The following STAB1 variants were observed in gnomAD, a reference collection of about 807,000 sequenced individuals.
STAB1 encodes stabilin 1, also known as stabilin-1.
In STAB1, 250 loss-of-function variants were observed where a neutral mutation model predicts 332.4. The ratio of observed to expected loss-of-function variants is 0.75; its 90% CI spans 0.68 to 0.84. STAB1 has a LOEUF of 0.84. Among genes scored for constraint, STAB1 ranks in the 40% least tolerant of loss-of-function variants. STAB1 has a pLI of 0.00. For synonymous variants in STAB1, 1,475 were observed against 1,390.4 expected (o/e 1.06, Z -1.35); for missense variants, 3,249 against 3,489.7 (o/e 0.93, Z 1.74).
At position 52,519,804 on chromosome 3, in the gene STAB1, C is replaced by A. The variant is rs1379044852; in HGVS notation, c.5236-140C>A. ...AGTGTGCACAGTTGAGATGTGTGCA[C>A]ACACATGCCTGCCTGGGATGGTCAC... is the stretch of plus-strand genomic sequence containing the variant. On this transcript the variant is annotated intron_variant, in intron 50 of 68. Coordinates refer to ENST00000321725, the MANE Select transcript of STAB1 (RefSeq NM_015136.3). 14 of 1,230,790 alleles carry A rather than the reference C, an allele frequency of 1.1e-5. No individual in the cohort carries two copies. In the African/African-American group the frequency reaches 1.7e-4, roughly 15 times the overall value. 76.2% of individuals were successfully genotyped at this position (1,230,790 alleles called of 1,614,324 possible). A position where few individuals can be genotyped will look rare whatever the true frequency, so the allele number is the denominator to read the frequency against.
chr3:52,501,992 G>A lies in STAB1; in HGVS notation c.332-14G>A, dbSNP rs753819150. On this transcript the variant is annotated splice_polypyrimidine_tract_variant and intron_variant, in intron 3 of 68. Transcript: ENST00000321725. ...GGTTCTGGGCACAGAGCTGAGTACT[G>A]TGGGGGTCCACAGAATGCCCTGGGG... is the stretch of plus-strand genomic sequence containing the variant. The A allele has an allele frequency of 5.3e-5, 85 of 1,611,430 alleles. No homozygotes were observed. Among genetic ancestry groups the A allele is most frequent in the Middle Eastern group, 2.0e-4 (1 of 4,932 alleles).
In STAB1 at chr3:52,501,622, C is replaced by T. The variant is rs1339385257; in HGVS notation, c.216-16C>T. The T allele has an allele frequency of 5.2e-6, 8 of 1,548,912 alleles. No individual in the cohort carries two copies. Among genetic ancestry groups the T allele is most frequent in the South Asian group, 3.6e-5 (3 of 84,084 alleles). On this transcript the variant is annotated splice_polypyrimidine_tract_variant and intron_variant, in intron 2 of 68. Coordinates refer to ENST00000321725, the MANE Select transcript of STAB1 (RefSeq NM_015136.3). ...AGGGAGCCTTTTCCATCACCCTGCC[C>T]ACCCTCTGCCCCCAGCTACGAAGTA... is the stretch of plus-strand genomic sequence containing the variant.
chr3:52,517,446 G>C, intron 43 of STAB1, 53 bp downstream of exon 43: 1 of 1,575,948 alleles, frequency 6.3e-7, no homozygotes, highest in Admixed American at 1.8e-5. Flanking sequence ...TCACAGGATG[G>C]GGCCTCCCTT....
rs762111494 is a variant in STAB1, at chr3:52,501,328, G to C, written c.215+26G>C. On this transcript the variant is annotated intron_variant, in intron 2 of 68. Coordinates refer to ENST00000321725, the MANE Select transcript of STAB1 (RefSeq NM_015136.3). ...GTGCGGGCCACCCCTGTCCTTGCCTGTGTCCAGGAGCATCCTGTGGGGTGG... is the reference window on the plus strand; with the variant it reads ...GTGCGGGCCACCCCTGTCCTTGCCTCTGTCCAGGAGCATCCTGTGGGGTGG... 6 of 1,603,350 alleles carry C rather than the reference G, an allele frequency of 3.7e-6. 1 individual carries two copies. Among genetic ancestry groups the C allele is most frequent in the South Asian group, 2.2e-5 (2 of 90,924 alleles).
At chr3:52,502,336 C>G in intron 5 of STAB1, 108 bp downstream of exon 5, 1 of 1,264,852 alleles carries the variant, frequency 7.9e-7, no homozygotes, top group Admixed American at 2.0e-5. Flanking sequence ...CTGTCCCAGC[C>G]CCTCAGATTT....
At position 52,501,178 on chromosome 3, in the gene STAB1, G is replaced by A; in HGVS notation, c.91G>A (p.Gly31Ser). ...CCTGTGGCCCCAGGTGCTGTTCAAA[G>A]GCTGTGATGTGAAAACCACGTTTGT... ...SFVRGQVLFKGCDVKTTFVTH... is the reference protein window; with the variant it reads ...SFVRGQVLFKSCDVKTTFVTH... Residue 31 changes from glycine to serine, a missense_variant, in exon 2 of 69, where the codon GGC becomes AGC. Physicochemically the swap from Gly to Ser is moderately conservative, Grantham distance 56. Coordinates refer to ENST00000321725, the MANE Select transcript of STAB1 (RefSeq NM_015136.3). The A allele has an allele frequency of 6.2e-7, 1 of 1,613,442 alleles. No individual in the cohort carries two copies. The highest frequency in any genetic ancestry group is 2.2e-5 in the East Asian group (1 of 44,872).
chr3:52,504,474 G>A lies in STAB1; in HGVS notation c.1164G>A (p.Arg388=). The change falls in exon 11 of 69, where the codon CGG becomes CGA. Residue 388 remains arginine, a synonymous_variant. Transcript: ENST00000321725. Reference sequence around the variant, plus strand: ...CCTGCCCCCCAGACCAGGGCTGCCGGGAAATCCTTACCACAGCGGGCCCTT... The same window carrying A: ...CCTGCCCCCCAGACCAGGGCTGCCGAGAAATCCTTACCACAGCGGGCCCTT... ...VAVAMMDQGC[R]EILTTAGPFT... is the part of the protein sequence containing the mutation. 1.2e-6 allele frequency: 2 copies of A among 1,613,980 alleles called. No individual in the cohort carries two copies. The highest frequency in any genetic ancestry group is 1.7e-6 in the Non-Finnish European group (2 of 1,179,994).
intron 35 of STAB1, 28 bp downstream of exon 35, chr3:52,514,857 G>T (rs41292858): frequency 0.02 from 32,346 of 1,612,776 alleles, 377 homozygotes; most frequent in Non-Finnish European, 0.024. Context: ...CAGGAAGGCC[G>T]GCACGGGAGT....
chr3:52,515,623 G>T (rs1330063453), intron 37 of STAB1, 117 bp downstream of exon 37: 3 of 1,094,076 alleles, frequency 2.7e-6, no homozygotes, highest in Non-Finnish European at 4.1e-6. Flanking sequence ...TGGGACTAGG[G>T]TGAGGCCAGA....
At chr3:52,500,607 G>A (rs976499695) in intron 1 of STAB1, among the ~76,000 whole-genome samples, 2 of 152,264 alleles carry the variant, frequency 1.3e-5, no homozygotes, top group African/African-American at 4.8e-5. Flanking sequence ...TGCATGGCTG[G>A]AGCCGGCATC....
intron 7 of STAB1, 49 bp downstream of exon 7, chr3:52,503,158 G>C (rs1204380340): frequency 3.3e-6 from 5 of 1,528,394 alleles, no homozygotes; most frequent in Admixed American, 1.9e-5. Flanking sequence ...GCGGGCGGGG[G>C]CTGGGAGAGC....
At chr3:52,508,089 C>A in intron 20 of STAB1, 63 bp downstream of exon 20, 1 of 1,551,480 alleles carries the variant, frequency 6.4e-7, no homozygotes, top group South Asian at 1.2e-5. Context: ...CTCGGGGGCC[C>A]CCAAGCTGGG....
intron 26 of STAB1, 45 bp downstream of exon 26, chr3:52,511,790 T>G (rs1175824784): frequency 1.4e-6 from 2 of 1,473,608 alleles, no homozygotes; most frequent in South Asian, 1.3e-5. Context: ...CTTTCTGGGG[T>G]GAGCCTGGGC....
chr3:52,519,428 G>GCC (rs2078997048), intron 49 of STAB1, 24 bp downstream of exon 49: 1 of 1,612,074 alleles, frequency 6.2e-7, no homozygotes, highest in Admixed American at 1.7e-5. Flanking sequence ...GGGCCTGGGA[G>GCC]CTGGAAGACA....
chr3:52,515,386 C>G, intron 36 of STAB1, 37 bp from the exon 37 acceptor site: 1 of 1,604,174 alleles, frequency 6.2e-7, no homozygotes, highest in Non-Finnish European at 8.5e-7. Flanking sequence ...CCTGCCCAAG[C>G]CACTGGCTGA....
intron 37 of STAB1, 53 bp from the exon 38 acceptor site, chr3:52,515,990 C>T: frequency 1.3e-6 from 2 of 1,520,084 alleles, no homozygotes; most frequent in Non-Finnish European, 8.8e-7. Context: ...TCCCCTTCCC[C>T]CTGACACCTT....
Position 52,513,207 on chromosome 3 carries a change from C to A in STAB1, c.3236C>A (p.Pro1079His). 6.3e-7 allele frequency: 1 copy of A among 1,585,272 alleles called. No homozygotes were observed. The part of the protein sequence containing the change: ...LGGQEVATLN[P>H]TTRWEIRNIS... ...GGGCAGGAAGTGGCCACCCTGAACCCCACCACACGCTGGGAGATTCGCAAC... is the reference window on the plus strand; with the variant it reads ...GGGCAGGAAGTGGCCACCCTGAACCACACCACACGCTGGGAGATTCGCAAC... The change falls in exon 30 of 69, where the codon CCC (proline) becomes CAC (histidine). Residue 1079 changes from proline to histidine, a missense_variant. Coordinates refer to ENST00000321725, the MANE Select transcript of STAB1 (RefSeq NM_015136.3).
Position 52,514,464 on chromosome 3 carries a change from C to G in STAB1, c.3646C>G (p.His1216Asp), listed in dbSNP as rs968763295. ...GHRNSLLGPA[H>D]WIVFYNHSGQ... The stretch of plus-strand genomic sequence containing the variant: ...CCGCAACTCCCTCCTGGGCCCTGCC[C>G]ACTGGATCGTCTTCTACAACCACAG... Residue 1216 changes from histidine (H) to aspartate (D), a missense_variant, in exon 34 of 69, where the codon CAC (histidine) becomes GAC (aspartate). His to Asp is a moderately conservative substitution (Grantham distance 81, BLOSUM62 -1). Coordinates refer to ENST00000321725, the MANE Select transcript of STAB1 (RefSeq NM_015136.3). 1 of 1,539,638 alleles carries G rather than the reference C, an allele frequency of 6.5e-7. No individual in the cohort carries two copies. Among genetic ancestry groups the G allele is most frequent in the Non-Finnish European group, 8.7e-7 (1 of 1,145,064 alleles).
intron 19 of STAB1, 123 bp from the exon 20 acceptor site, chr3:52,507,808 C>A (rs970852384): frequency 7.0e-7 from 1 of 1,434,530 alleles, no homozygotes; most frequent in Non-Finnish European, 9.7e-7. Flanking sequence ...TGCTTCGCAG[C>A]CCCACTGGAC....
Sources: gnomAD v4.1 joint callset for allele counts (sites outside exome capture counted in the v4.1 genomes callset) on GRCh38, gnomAD v4.1.1 for gene constraint, MANE v1.5 for transcripts, NCBI Gene and HGNC (gene_info 2026-07-23, HGNC 2026-07-21) for gene names.